Variants in TLK1 observed in about 807,000 individuals in gnomAD.
TLK1 encodes serine/threonine-protein kinase tousled-like 1.
TLK1 carries 24 observed loss-of-function variants against 105.3 expected under a neutral mutation model. The observed-to-expected ratio is 0.23, with a 90% CI of 0.17 to 0.32. The LOEUF (loss-of-function observed/expected upper bound fraction) is 0.32. TLK1 is among the 10% of genes least tolerant of loss of function. The probability of loss-of-function intolerance (pLI) is 1.00; values close to 1 mark genes in which losing one functional copy is unlikely to be tolerated. For synonymous variants in TLK1, 321 were observed against 310.4 expected (o/e 1.03, Z -0.36); for missense variants, 558 against 910.5 (o/e 0.61, Z 4.98).
At chr2:171,218,840 C>G (rs1693759541) in intron 1 of TLK1, among the ~76,000 whole-genome samples, 1 of 152,186 alleles carries the variant, frequency 6.6e-6, no homozygotes, top group African/African-American at 2.4e-5. Flanking sequence ...CTCTTAATAC[C>G]CTTGCATTAG....
Position 171,202,056 on chromosome 2 carries a change from A to T in TLK1, c.-6+29089T>A, listed in dbSNP as rs568340612. On this transcript the variant is annotated intron_variant, in intron 1 of 20. Transcript: ENST00000521943. ...CTGTTACTGGATTTTGTTAATGTTT[A>T]TTGAGTTCTTACTATGCCTAAAACA... Among the ~76,000 whole-genome samples, 6 of 152,320 alleles carry T rather than the reference A, an allele frequency of 3.9e-5. No homozygotes were observed. The East Asian group carries it at 1.2e-3, about 29-fold the overall frequency.
At chr2:171,060,023 GAAGTC>G in intron 4 of TLK1, 1 of 1,610,660 alleles carries the variant, frequency 6.2e-7, no homozygotes, top group Non-Finnish European at 8.5e-7. Context: ...CTTTGGACTT[GAAGTC>G]AAGTTTACTC....
At chr2:171,046,455 T>C in intron 10 of TLK1, 93 bp from the exon 11 acceptor site, 3 of 1,355,334 alleles carry the variant, frequency 2.2e-6, no homozygotes, top group Non-Finnish European at 9.9e-7. Context: ...TGAAAAACCA[T>C]AAAATATACA....
At chr2:171,004,354 G>GA (rs958356904) in intron 18 of TLK1, among the ~76,000 whole-genome samples, 37 of 146,414 alleles carry the variant, frequency 2.5e-4, no homozygotes, top group South Asian at 1.1e-3. Flanking sequence ...GTATTTATCG[G>GA]AAAAAAAAAA....
intron 1 of TLK1, among the ~76,000 whole-genome samples, chr2:171,158,634 A>C (rs1692328062): frequency 6.6e-6 from 1 of 152,248 alleles, no homozygotes; most frequent in Non-Finnish European, 1.5e-5. Flanking sequence ...ATATAGCCTT[A>C]AACAAGAAAC....
chr2:171,104,374 A>T (rs934522204), intron 2 of TLK1, among the ~76,000 whole-genome samples: 30 of 152,130 alleles, frequency 2.0e-4, no homozygotes, highest in African/African-American at 5.3e-4. Flanking sequence ...CCTTTCTACA[A>T]GGAAAATTAT....
intron 2 of TLK1, among the ~76,000 whole-genome samples, chr2:171,104,359 G>T (rs1413823553): frequency 6.6e-6 from 1 of 151,458 alleles, no homozygotes; most frequent in African/African-American, 2.4e-5. Flanking sequence ...GAGGTGAAGG[G>T]GTTCCCTTTC....
At position 171,073,881 on chromosome 2, in the gene TLK1, C is replaced by CCCCCG. The variant is rs1553473039; in HGVS notation, c.330+8899_330+8900insCGGGG. On this transcript the variant is annotated intron_variant, in intron 3 of 20. Transcript: ENST00000431350. Reference sequence around the variant, plus strand: ...AGAATAAACTTAACATTCCCCCCCCCCCTCCTTTTTTTTTCTTTCTTTTTT... The same window carrying CCCCCG: ...AGAATAAACTTAACATTCCCCCCCCCCCCCGCCTCCTTTTTTTTTCTTTCTTTTTT... Among the ~76,000 whole-genome samples, 7 of 129,086 alleles carry CCCCCG rather than the reference C, an allele frequency of 5.4e-5. No individual in the cohort carries two copies. The East Asian group carries it at 1.3e-3, about 24-fold the overall frequency. The allele number at this position is 129,086 out of a possible 152,430, so 84.7% of individuals were successfully genotyped here. A position where few individuals can be genotyped will look rare whatever the true frequency, so the allele number is the denominator to read the frequency against.
chr2:171,046,501 T>G (rs1017583408), intron 10 of TLK1, 139 bp from the exon 11 acceptor site: 9 of 914,084 alleles, frequency 9.8e-6, no homozygotes, highest in South Asian at 2.5e-5. Context: ...GTGAACCAAT[T>G]TGTACTTATC....
rs757021262 is a variant in TLK1 at position 171,006,206 on chromosome 2, A to G, written c.1845T>C (p.Asp615=). 3 of 1,611,484 alleles carry G rather than the reference A, an allele frequency of 1.9e-6. No homozygotes were observed. The highest frequency in any genetic ancestry group is 1.7e-5 in the Admixed American group (1 of 59,622). The stretch of plus-strand genomic sequence containing the variant: ...TTCCATCTACACCATAGCTATCATC[A>G]TCCATAATCTTGGACAGACCAAAAT... ...ITDFGLSKIM[D]DDSYGVDGMD... The change falls in exon 18 of 21, where the codon GAT becomes GAC. Residue 615 remains aspartate (D), a synonymous_variant. Coordinates refer to ENST00000431350, the MANE Select transcript of TLK1 (RefSeq NM_012290.5).
intron 1 of TLK1, among the ~76,000 whole-genome samples, chr2:171,228,856 C>A (rs898307139): frequency 2.6e-5 from 4 of 152,102 alleles, no homozygotes; most frequent in Non-Finnish European, 5.9e-5. Flanking sequence ...AAAAAAAATT[C>A]TGTGTTGCAT....
intron 12 of TLK1, chr2:171,023,151 A>G (rs1382152339): frequency 2.1e-6 from 1 of 471,124 alleles, no homozygotes; most frequent in East Asian, 6.9e-5. Flanking sequence ...AGGCACAAGG[A>G]GAGATGAATG....
At chr2:171,211,568 AGATT>A (rs1693613399) in intron 1 of TLK1, among the ~76,000 whole-genome samples, 2 of 149,440 alleles carry the variant, frequency 1.3e-5, no homozygotes, top group Non-Finnish European at 3.0e-5. Context: ...TTTTTTTTTG[AGATT>A]AGAGTCTTGC....
In TLK1 at chr2:171,160,217, C is replaced by CGGGGGGGGCGGGGGGGGCG. The variant is rs1450605031; in HGVS notation, c.139+72_139+73insCGCCCCCCCCGCCCCCCCC. On this transcript the variant is annotated intron_variant, in intron 1 of 20. Coordinates refer to ENST00000431350, the MANE Select transcript of TLK1 (RefSeq NM_012290.5). The surrounding 1 kb of genome is among the most constrained non-coding windows in gnomAD (Gnocchi z 4.4). ...CGGAGAAGCCCCGGGGCGGGGGGGG[C>CGGGGGGGGCGGGGGGGGCG]GGGGGGGGGGCGCGGGGGTCCGCGG... The CGGGGGGGGCGGGGGGGGCG allele has an allele frequency of 1.2e-4, 114 of 958,844 alleles. No homozygotes were observed. The African/African-American group carries it at 2.3e-3, about 20-fold the overall frequency. The allele number at this position is 958,844 out of a possible 1,614,324, so 59.4% of individuals were successfully genotyped here. A position where few individuals can be genotyped will look rare whatever the true frequency, so the allele number is the denominator to read the frequency against.
intron 1 of TLK1, among the ~76,000 whole-genome samples, chr2:171,146,530 C>T (rs1296118424): frequency 2.6e-5 from 4 of 152,010 alleles, no homozygotes; most frequent in Admixed American, 1.3e-4. Context: ...AAAAATATGA[C>T]GGTGGAAATA....
chr2:171,160,486 C>G lies in TLK1; in HGVS notation c.-58G>C. 1 of 1,567,840 alleles carries G rather than the reference C, an allele frequency of 6.4e-7. No individual in the cohort carries two copies. Among genetic ancestry groups the G allele is most frequent in the Non-Finnish European group, 8.6e-7 (1 of 1,162,118 alleles). On this transcript the variant is annotated 5_prime_UTR_variant, in exon 1 of 21. Transcript: ENST00000431350. This position sits in a 1 kb window ranked among gnomAD's most constrained non-coding sequence, Gnocchi z 4.4. ...TGCGACGGCAGCGGCGGCAACGGCACCGGCACCCGCCTCCGTCATGGCGGG... is the reference window on the plus strand; with the variant it reads ...TGCGACGGCAGCGGCGGCAACGGCAGCGGCACCCGCCTCCGTCATGGCGGG...
intron 2 of TLK1, among the ~76,000 whole-genome samples, chr2:171,105,419 C>T (rs1030178996): frequency 1.6e-4 from 25 of 152,242 alleles, no homozygotes; most frequent in Admixed American, 1.6e-3. Context: ...GGCGCAGTGG[C>T]TCACGCCTGT....
chr2:171,160,423 A>G lies in TLK1; in HGVS notation c.6T>C (p.Ser2=). The G allele has an allele frequency of 6.2e-7, 1 of 1,601,346 alleles. No individual in the cohort carries two copies. The highest frequency in any genetic ancestry group is 1.1e-5 in the South Asian group (1 of 89,732). M[S]VQSSSGSLEG... ...CCAAACTTCCACTGCTACTTTGGACACTCATCAAGCTACTTTCTGGGAACC... is the reference window on the plus strand; with the variant it reads ...CCAAACTTCCACTGCTACTTTGGACGCTCATCAAGCTACTTTCTGGGAACC... The change falls in exon 1 of 21, where the codon AGT becomes AGC. Residue 2 remains serine (S), a synonymous_variant. Transcript: ENST00000431350. The surrounding 1 kb of genome is among the most constrained non-coding windows in gnomAD (Gnocchi z 4.4).
intron 1 of TLK1, among the ~76,000 whole-genome samples, chr2:171,202,136 TAAC>T (rs1255393778): frequency 6.6e-6 from 1 of 152,128 alleles, no homozygotes; most frequent in Non-Finnish European, 1.5e-5. Flanking sequence ...TTCAGACAAA[TAAC>T]AAATAATTTT....
Sources: gnomAD v4.1 joint callset for allele counts (sites outside exome capture counted in the v4.1 genomes callset) on GRCh38, gnomAD v4.1.1 for gene constraint, Gnocchi (gnomAD v3.1) non-coding constraint, MANE v1.5 for transcripts, NCBI Gene and HGNC (gene_info 2026-07-23, HGNC 2026-07-21) for gene names.